The following ARHGEF4 variants were observed in gnomAD, a reference collection of about 807,000 sequenced individuals.
The protein encoded by ARHGEF4 is APC-stimulated guanine nucleotide exchange factor 1.
Under a neutral mutation model 162.0 loss-of-function variants are expected in ARHGEF4, and 119 were observed. The ratio of observed to expected loss-of-function variants is 0.73; its 90% confidence interval spans 0.63 to 0.86. ARHGEF4 has a LOEUF of 0.86. ARHGEF4 is among the 40% of genes least tolerant of loss of function. The pLI is 0.00. For synonymous variants in ARHGEF4, 1,014 were observed against 979.9 expected (o/e 1.03, Z -0.65); for missense variants, 2,488 against 2,456.0 (o/e 1.01, Z -0.28).
At chr2:131,019,138 C>G (rs1303825754) in intron 4 of ARHGEF4, among the ~76,000 whole-genome samples, 1 of 152,090 alleles carries the variant, frequency 6.6e-6, no homozygotes, top group South Asian at 2.1e-4. Flanking sequence ...TGGGGCTGGG[C>G]GCAGTGGCTC....
chr2:130,935,663 C>G lies in ARHGEF4; in HGVS notation c.3858+4406C>G, dbSNP rs6708280. Reference sequence around the variant, plus strand: ...TATGATTTCTTCTTTGACTCACTGGCTGTTTAATATTGTATTAATTTCCAT... The same window carrying G: ...TATGATTTCTTCTTTGACTCACTGGGTGTTTAATATTGTATTAATTTCCAT... On this transcript the variant is annotated intron_variant, in intron 3 of 13. Coordinates refer to ENST00000409359, the MANE Select transcript of ARHGEF4 (RefSeq NM_001367493.1). Among the ~76,000 whole-genome samples the G allele has an allele frequency of 2.6e-5, 4 of 152,288 alleles. No individual in the cohort carries two copies. In the East Asian group the frequency reaches 7.7e-4, roughly 29 times the overall value.
intron 2 of ARHGEF4, among the ~76,000 whole-genome samples, chr2:130,922,345 T>C (rs972392784): frequency 3.3e-5 from 5 of 150,646 alleles, no homozygotes; most frequent in African/African-American, 9.8e-5. Context: ...CACTCCAGCC[T>C]GGGCAACAAG....
intron 2 of ARHGEF4, among the ~76,000 whole-genome samples, chr2:130,923,209 C>T (rs1373909448): frequency 1.3e-5 from 2 of 152,166 alleles, no homozygotes; most frequent in Non-Finnish European, 2.9e-5. Flanking sequence ...GGATTACAGG[C>T]GTGAGCCATC....
chr2:131,035,123 C>A, intron 5 of ARHGEF4: 1 of 1,164,104 alleles, frequency 8.6e-7, no homozygotes, highest in Admixed American at 4.7e-5. Context: ...CGGCGCGGCC[C>A]CGCGGCGCCC....
chr2:130,962,733 C>G (rs1684700815), intron 4 of ARHGEF4, among the ~76,000 whole-genome samples: 1 of 151,478 alleles, frequency 6.6e-6, no homozygotes, highest in Non-Finnish European at 1.5e-5. Flanking sequence ...TCCTCTCCCT[C>G]TCAATACTTC....
intron 4 of ARHGEF4, among the ~76,000 whole-genome samples, chr2:130,968,285 T>G (rs1003007608): frequency 6.6e-6 from 1 of 152,176 alleles, no homozygotes; most frequent in Non-Finnish European, 1.5e-5. Context: ...AAGCCTTAAC[T>G]GCACAGATGA....
At chr2:130,937,669 A>ATTTT (rs34020875) in intron 3 of ARHGEF4, among the ~76,000 whole-genome samples, 8 of 140,886 alleles carry the variant, frequency 5.7e-5, no homozygotes, top group African/African-American at 1.8e-4. Flanking sequence ...TTGTATCATA[A>ATTTT]TTTTTTTTTT....
At chr2:131,020,241 AG>A (rs1689023319) in intron 4 of ARHGEF4, among the ~76,000 whole-genome samples, 1 of 151,786 alleles carries the variant, frequency 6.6e-6, no homozygotes, top group Non-Finnish European at 1.5e-5. Context: ...CACAATGTGC[AG>A]GTTTGTTACA....
chr2:130,984,547 G>A (rs113666825), intron 4 of ARHGEF4, among the ~76,000 whole-genome samples: 17 of 19,992 alleles, frequency 8.5e-4, no homozygotes, highest in East Asian at 5.4e-3. Context: ...AAAAATTGCC[G>A]GGTGTAGTGG....
chr2:130,852,550 C>G (rs987776808), intron 1 of ARHGEF4, among the ~76,000 whole-genome samples: 18 of 151,812 alleles, frequency 1.2e-4, no homozygotes, highest in Non-Finnish European at 5.9e-5. Flanking sequence ...GGACTGTGAG[C>G]CGGGTAAGTC....
chr2:130,949,369 T>C (rs1244814223), intron 4 of ARHGEF4, among the ~76,000 whole-genome samples: 3 of 152,228 alleles, frequency 2.0e-5, no homozygotes, highest in African/African-American at 7.2e-5. Flanking sequence ...TTATTTATTT[T>C]TTGAGACGGA....
chr2:131,024,478 T>G (rs1689345442), intron 4 of ARHGEF4, among the ~76,000 whole-genome samples: 1 of 152,152 alleles, frequency 6.6e-6, no homozygotes, highest in Non-Finnish European at 1.5e-5. Context: ...GATTTCACCA[T>G]GCTGGCCAGG....
At chr2:130,913,945 C>T in intron 1 of ARHGEF4, 41 bp from the exon 2 acceptor site, 1 of 1,535,122 alleles carries the variant, frequency 6.5e-7, no homozygotes, top group Non-Finnish European at 8.7e-7. Context: ...CACAGATGTA[C>T]TCAGGCCTTG....
chr2:131,040,007 G>A lies in ARHGEF4; in HGVS notation c.4306-9G>A. 1 of 1,553,406 alleles carries A rather than the reference G, an allele frequency of 6.4e-7. No homozygotes were observed. Among genetic ancestry groups the A allele is most frequent in the Non-Finnish European group, 8.7e-7 (1 of 1,149,492 alleles). On this transcript the variant is annotated splice_polypyrimidine_tract_variant and intron_variant, in intron 6 of 13. Coordinates refer to ENST00000409359, the MANE Select transcript of ARHGEF4 (RefSeq NM_001367493.1). ...TGCGGGGCACTGACCGGCCACGCAT[G>A]GCCTGCAGCTGAGGGTGAATCAGGA...
intron 4 of ARHGEF4, among the ~76,000 whole-genome samples, chr2:131,022,719 T>G (rs891912745): frequency 6.6e-6 from 1 of 150,952 alleles, no homozygotes; most frequent in African/African-American, 2.4e-5. Context: ...TGTAAAACTT[T>G]TAGAAGAAAA....
chr2:131,002,523 A>C lies in ARHGEF4; in HGVS notation c.3986-25422A>C, dbSNP rs548682309. Among the ~76,000 whole-genome samples, 6 of 152,200 alleles carry C rather than the reference A, an allele frequency of 3.9e-5. No homozygotes were observed. In the South Asian group the frequency reaches 1.2e-3, roughly 32 times the overall value. On this transcript the variant is annotated intron_variant, in intron 4 of 13. Transcript: ENST00000409359. ...CAGGAGATCGAGACCGTCCTGGCTA[A>C]CACAGTGAAACCCCATCTCTACTAA... is the stretch of plus-strand genomic sequence containing the variant.
intron 2 of ARHGEF4, among the ~76,000 whole-genome samples, chr2:130,922,493 AAAG>A (rs1045553515): frequency 3.3e-5 from 5 of 152,232 alleles, no homozygotes; most frequent in African/African-American, 1.2e-4. Context: ...TTAAAGAAAA[AAAG>A]GAGGAATCAG....
intron 1 of ARHGEF4, among the ~76,000 whole-genome samples, chr2:130,905,693 G>A (rs146351881): frequency 6.6e-6 from 1 of 151,936 alleles, no homozygotes. Context: ...ATTTTGAGAG[G>A]GAGAGAAAGA....
intron 1 of ARHGEF4, among the ~76,000 whole-genome samples, chr2:130,889,927 T>C (rs1421094716): frequency 6.6e-6 from 1 of 152,192 alleles, no homozygotes; most frequent in Admixed American, 6.5e-5. Flanking sequence ...TCTACTGTTT[T>C]CTGGCTCCTA....
Sources: allele counts gnomAD v4.1 joint callset (sites outside exome capture counted in the v4.1 genomes callset), GRCh38; gene constraint gnomAD v4.1.1; transcripts MANE v1.5; gene names NCBI Gene and HGNC (gene_info 2026-07-23, HGNC 2026-07-21).